Variants in BMERB1 observed in about 807,000 individuals in gnomAD.
BMERB1 encodes the protein bMERB domain containing 1.
BMERB1 carries 12 observed loss-of-function variants against 23.6 expected under a neutral mutation model. The observed-to-expected ratio is 0.51, with a 90% CI of 0.33 to 0.82. BMERB1 has a LOEUF of 0.82. Among genes scored for constraint, BMERB1 ranks in the 40% least tolerant of loss-of-function variants. The pLI is 0.03. For missense variants in BMERB1, 247 were observed against 255.4 expected (o/e 0.97, Z 0.22); for synonymous variants, 122 against 96.6 (o/e 1.26, Z -1.54).
At chr16:15,486,284 C>T (rs948329565) in intron 1 of BMERB1, among the ~76,000 whole-genome samples, 3 of 151,658 alleles carry the variant, frequency 2.0e-5, no homozygotes, top group Non-Finnish European at 4.4e-5. Flanking sequence ...TGACCAAAAC[C>T]CACTGGGTTC....
chr16:15,553,742 T>G lies in BMERB1; in HGVS notation c.231-14241T>G, dbSNP rs2030161653. Reference sequence around the variant, plus strand: ...GTACCAAAACAGGCAGTGGGCCAGATTTTGACTGTGGGCTATAGTTTGCCA... The same window carrying G: ...GTACCAAAACAGGCAGTGGGCCAGAGTTTGACTGTGGGCTATAGTTTGCCA... On this transcript the variant is annotated intron_variant, in intron 2 of 5. Coordinates refer to ENST00000300006, the MANE Select transcript of BMERB1 (RefSeq NM_033201.3). 2.6e-5 allele frequency among the ~76,000 whole-genome samples: 4 copies of G among 152,316 alleles called. No individual in the cohort carries two copies. The South Asian group carries it at 6.2e-4, about 24-fold the overall frequency.
At chr16:15,470,994 G>A (rs900674006) in intron 1 of BMERB1, among the ~76,000 whole-genome samples, 2 of 150,870 alleles carry the variant, frequency 1.3e-5, no homozygotes, top group South Asian at 2.1e-4. Context: ...CTGCTGCCAC[G>A]CCCAGCTAAT....
chr16:15,508,447 G>GC (rs1555509463), intron 1 of BMERB1, among the ~76,000 whole-genome samples: 1 of 152,078 alleles, frequency 6.6e-6, no homozygotes, highest in Non-Finnish European at 1.5e-5. Flanking sequence ...CGTGATCAGT[G>GC]TCCAGAACAA....
chr16:15,571,205 C>G (rs1355960246), intron 3 of BMERB1, among the ~76,000 whole-genome samples: 1 of 152,106 alleles, frequency 6.6e-6, no homozygotes, highest in Non-Finnish European at 1.5e-5. Flanking sequence ...CCAAAAATGT[C>G]TATAGATGTA....
intron 3 of BMERB1, among the ~76,000 whole-genome samples, chr16:15,576,037 A>ATTT (rs58602187): frequency 1.5e-5 from 2 of 131,972 alleles, no homozygotes; most frequent in African/African-American, 3.0e-5. Context: ...AGCATTAGTA[A>ATTT]TTTTTTTTTT....
chr16:15,461,221 C>T (rs1176100336), intron 1 of BMERB1, among the ~76,000 whole-genome samples: 2 of 151,892 alleles, frequency 1.3e-5, no homozygotes, highest in Admixed American at 6.6e-5. Context: ...GACATTTAGA[C>T]ATTTTGCTGT....
chr16:15,476,588 A>G (rs1247404054), intron 1 of BMERB1, among the ~76,000 whole-genome samples: 1 of 152,198 alleles, frequency 6.6e-6, no homozygotes, highest in Admixed American at 6.5e-5. Context: ...CACTTGTCCA[A>G]TCTTGGTGAT....
At chr16:15,468,515 A>G (rs114580087) in intron 1 of BMERB1, among the ~76,000 whole-genome samples, 2,211 of 152,204 alleles carry the variant, frequency 0.015, 61 homozygotes, top group African/African-American at 0.052. Context: ...GGCAGGTATA[A>G]TGAGGCATGT....
At chr16:15,536,858 C>G (rs2150961444) in intron 2 of BMERB1, 1 of 152,296 alleles carries the variant, frequency 6.6e-6, no homozygotes, top group South Asian at 2.1e-4. Flanking sequence ...TAGAAGAACC[C>G]TAGTGTCCAT....
At chr16:15,482,959 C>T (rs886482546) in intron 1 of BMERB1, among the ~76,000 whole-genome samples, 3 of 152,074 alleles carry the variant, frequency 2.0e-5, no homozygotes, top group East Asian at 3.8e-4. Flanking sequence ...CACACACACG[C>T]GCGTAAAACA....
intron 1 of BMERB1, among the ~76,000 whole-genome samples, chr16:15,476,788 C>T (rs2051278429): frequency 6.6e-6 from 1 of 152,174 alleles, no homozygotes; most frequent in African/African-American, 2.4e-5. Flanking sequence ...AGGGTACCAC[C>T]TTCTTCCACT....
intron 1 of BMERB1, among the ~76,000 whole-genome samples, chr16:15,463,305 G>A (rs2051152508): frequency 6.7e-6 from 1 of 150,252 alleles, no homozygotes; most frequent in Admixed American, 6.6e-5. Context: ...TGTTACTCAG[G>A]TTGGTCTTGA....
chr16:15,509,331 G>GGA (rs2051630686), intron 1 of BMERB1, among the ~76,000 whole-genome samples: 1 of 146,896 alleles, frequency 6.8e-6, no homozygotes, highest in African/African-American at 2.6e-5. Flanking sequence ...GAGTGGAAGG[G>GGA]GGGTGGGGGG....
At chr16:15,567,336 T>TA (rs2030599411) in intron 2 of BMERB1, among the ~76,000 whole-genome samples, 2 of 152,266 alleles carry the variant, frequency 1.3e-5, no homozygotes, top group South Asian at 4.1e-4. Flanking sequence ...CTGCAGTGTT[T>TA]AAAAAACGTA....
chr16:15,526,624 A>G (rs989094949), intron 2 of BMERB1, among the ~76,000 whole-genome samples: 13 of 147,806 alleles, frequency 8.8e-5, no homozygotes, highest in African/African-American at 3.3e-4. Context: ...AGATCCCGCC[A>G]CTGCACTCCA....
At chr16:15,547,855 T>TC (rs2029968781) in intron 2 of BMERB1, among the ~76,000 whole-genome samples, 1 of 152,164 alleles carries the variant, frequency 6.6e-6, no homozygotes, top group African/African-American at 2.4e-5. Context: ...ACTTAACCTC[T>TC]CTGAGCTGTG....
chr16:15,434,864 A>G (rs1256545763), intron 1 of BMERB1, 105 bp downstream of exon 1: 6 of 947,640 alleles, frequency 6.3e-6, no homozygotes, highest in Non-Finnish European at 9.3e-6. Flanking sequence ...GACCCAGGGA[A>G]GCGCCCCCGC....
intron 1 of BMERB1, among the ~76,000 whole-genome samples, chr16:15,472,640 G>T (rs1176492004): frequency 3.3e-5 from 5 of 151,916 alleles, no homozygotes; most frequent in African/African-American, 9.7e-5. Context: ...TATATTTGAA[G>T]TGAGTTTCTT....
intron 5 of BMERB1, 124 bp from the exon 6 acceptor site, chr16:15,586,593 C>T: frequency 1.3e-6 from 1 of 769,394 alleles, no homozygotes; most frequent in Non-Finnish European, 2.3e-6. Flanking sequence ...TGAACAAGGC[C>T]TGGAACAAGA....
Sources: allele counts gnomAD v4.1 joint callset (sites outside exome capture counted in the v4.1 genomes callset), GRCh38; gene constraint gnomAD v4.1.1; transcripts MANE v1.5; gene names NCBI Gene and HGNC (gene_info 2026-07-23, HGNC 2026-07-21).